The following RAD54L variants were observed in gnomAD, a reference collection of about 807,000 sequenced individuals.
RAD54L encodes RAD54 like.
RAD54L carries 74 observed loss-of-function variants against 91.6 expected under a neutral mutation model. The ratio of observed to expected loss-of-function variants is 0.81; its 90% confidence interval spans 0.67 to 0.98. The LOEUF is 0.98. RAD54L is among the 50% of genes least tolerant of loss of function. The probability of loss-of-function intolerance (pLI) is 0.00; values close to 1 mark genes in which losing one functional copy is unlikely to be tolerated. For synonymous variants in RAD54L, 304 were observed against 349.7 expected, an observed-to-expected ratio of 0.87 and a Z score of 1.46; for missense variants, 887 against 945.7, an observed-to-expected ratio of 0.94 and a Z score of 0.81.
chr1:46,259,177 T>TC (rs1196219282), intron 4 of RAD54L, among the ~76,000 whole-genome samples: 6 of 143,136 alleles, frequency 4.2e-5, no homozygotes, highest in African/African-American at 1.0e-4. Context: ...TCTCTCTCTC[T>TC]TTTTTTTTTT....
At position 46,274,171 on chromosome 1, in the gene RAD54L, C is replaced by T; in HGVS notation, c.1644C>T (p.Ser548=). The part of the protein sequence containing the change: ...YLYVRLDGTM[S]IKKRAKVVER... ...ACGTCCGCCTGGATGGCACGATGTCCATTAAGAAGCGAGCCAAGGTTGTAG... is the reference window on the plus strand; with the variant it reads ...ACGTCCGCCTGGATGGCACGATGTCTATTAAGAAGCGAGCCAAGGTTGTAG... The change falls in exon 15 of 18, where the codon TCC becomes TCT. Residue 548 remains serine, a synonymous_variant. Transcript: ENST00000371975. 6.2e-7 allele frequency: 1 copy of T among 1,613,946 alleles called. No individual in the cohort carries two copies. The highest frequency in any genetic ancestry group is 8.5e-7 in the Non-Finnish European group (1 of 1,179,870).
At chr1:46,260,514 C>G (rs374634207) in intron 5 of RAD54L, 28 bp from the exon 6 acceptor site, 1 of 1,607,054 alleles carries the variant, frequency 6.2e-7, no homozygotes, top group Non-Finnish European at 8.5e-7. Flanking sequence ...TGTCTGAGCA[C>G]GCTGTTTTCT....
At chr1:46,277,671 T>C in intron 16 of RAD54L, 146 bp from the exon 17 acceptor site, 1 of 912,216 alleles carries the variant, frequency 1.1e-6, no homozygotes, top group Non-Finnish European at 1.7e-6. Context: ...CTCAGCTGAG[T>C]AGAGATAATG....
intron 16 of RAD54L, among the ~76,000 whole-genome samples, chr1:46,276,683 C>T (rs369350636): frequency 6.6e-6 from 1 of 152,220 alleles, no homozygotes; most frequent in East Asian, 1.9e-4. Flanking sequence ...TTGTTTACTT[C>T]TGTCTTATCC....
In RAD54L at chr1:46,260,990, T is replaced by C; in HGVS notation, c.741T>C (p.Ser247=). Residue 247 remains serine (S), a synonymous_variant, in exon 7 of 18, where the codon TCT becomes TCC. Transcript: ENST00000371975. ...AACCTCTGGCCATCGATGGAGGATC[T>C]AAGGATGAAATAGACCAAAAGCTGG... The part of the protein sequence containing the change: ...RIQPLAIDGG[S]KDEIDQKLEG... The C allele has an allele frequency of 6.2e-7, 1 of 1,613,848 alleles. No individual in the cohort carries two copies. The highest frequency in any genetic ancestry group is 8.5e-7 in the Non-Finnish European group (1 of 1,179,990).
chr1:46,274,659 T>C lies in RAD54L; in HGVS notation c.1811T>C (p.Met604Thr), dbSNP rs145755477. ...DWNPANDEQA[M>T]ARVWRDGQKK... ...AACCCAGCCAATGATGAACAAGCCA[T>C]GGCCCGGGTCTGGCGAGATGGTCAA... is the stretch of plus-strand genomic sequence containing the variant. The change falls in exon 16 of 18, where the codon ATG becomes ACG. Residue 604 changes from methionine to threonine, a missense_variant. Met to Thr is a moderately conservative substitution (Grantham distance 81, BLOSUM62 -1). Coordinates refer to ENST00000371975, the MANE Select transcript of RAD54L (RefSeq NM_003579.4). The C allele has an allele frequency of 1.9e-6, 3 of 1,614,022 alleles. No homozygotes were observed. The highest frequency in any genetic ancestry group is 2.2e-5 in the East Asian group (1 of 44,902).
At chr1:46,272,857 G>C (rs1333847643) in intron 12 of RAD54L, 55 bp downstream of exon 12, 1 of 1,608,588 alleles carries the variant, frequency 6.2e-7, no homozygotes, top group Admixed American at 1.7e-5. Context: ...GGGAGGGTAG[G>C]TTCCTGTAGT....
At chr1:46,277,686 G>T in intron 16 of RAD54L, 131 bp from the exon 17 acceptor site, 1 of 1,041,648 alleles carries the variant, frequency 9.6e-7, no homozygotes, top group East Asian at 2.4e-5. Flanking sequence ...ATAATGTTCT[G>T]GGACTCATAC....
At chr1:46,266,906 G>A (rs1660281369) in intron 8 of RAD54L, among the ~76,000 whole-genome samples, 2 of 152,238 alleles carry the variant, frequency 1.3e-5, no homozygotes, top group Non-Finnish European at 2.9e-5. Flanking sequence ...TATGGGTATA[G>A]CACTGGTCTG....
At chr1:46,257,734 C>T (rs1285362265) in intron 3 of RAD54L, among the ~76,000 whole-genome samples, 2 of 152,198 alleles carry the variant, frequency 1.3e-5, no homozygotes, top group Non-Finnish European at 2.9e-5. Context: ...TTGTGCTTTA[C>T]ATGGCAGGAA....
At chr1:46,257,683 G>T (rs546442543) in intron 3 of RAD54L, among the ~76,000 whole-genome samples, 49 of 152,280 alleles carry the variant, frequency 3.2e-4, no homozygotes, top group Non-Finnish European at 5.1e-4. Flanking sequence ...TTAGTGTTGG[G>T]CTTAGCTTCT....
In RAD54L at chr1:46,260,586, A is replaced by T. The variant is rs1660082422; in HGVS notation, c.452A>T (p.Lys151Met). ...VHVVVDPILS[K>M]VLRPHQREGV... ...GTGGTTGTTGACCCTATTCTCAGTA[A>T]GGTTTTGCGGCCTCATCAGAGAGAG... Residue 151 changes from lysine (K) to methionine (M), a missense_variant, in exon 6 of 18, where the codon AAG (lysine) becomes ATG (methionine). Lys to Met is a moderately conservative substitution (Grantham distance 95). Coordinates refer to ENST00000371975, the MANE Select transcript of RAD54L (RefSeq NM_003579.4). 1 of 1,613,938 alleles carries T rather than the reference A, an allele frequency of 6.2e-7. No individual in the cohort carries two copies. Among genetic ancestry groups the T allele is most frequent in the African/African-American group, 1.3e-5 (1 of 74,868 alleles).
In RAD54L at chr1:46,277,818, C is replaced by T. The variant is rs765569038; in HGVS notation, c.1871C>T (p.Ala624Val). 5 of 1,605,134 alleles carry T rather than the reference C, an allele frequency of 3.1e-6. No individual in the cohort carries two copies. The highest frequency in any genetic ancestry group is 4.3e-6 in the Non-Finnish European group (5 of 1,172,102). The change falls in exon 17 of 18, where the codon GCA (alanine) becomes GTA (valine). Residue 624 changes from alanine to valine, a missense_variant and splice_region_variant. Transcript: ENST00000371975. ...KTCYIYRLLS[A>V]GTIEEKIFQR... ...CATTCCCCACCTCCTCTTCCCCAGG[C>T]AGGGACCATTGAGGAGAAGATCTTC...
Position 46,263,387 on chromosome 1 carries a change from A to AC in RAD54L, c.891+2006dup, listed in dbSNP as rs1299139147. 6.6e-6 allele frequency among the ~76,000 whole-genome samples: 1 copy of AC among 151,846 alleles called. No individual in the cohort carries two copies. Among genetic ancestry groups the AC allele is most frequent in the Non-Finnish European group, 1.5e-5 (1 of 67,962 alleles). On this transcript the variant is annotated intron_variant, in intron 8 of 17. Coordinates refer to ENST00000371975, the MANE Select transcript of RAD54L (RefSeq NM_003579.4). This position sits in a 1 kb window ranked among gnomAD's most constrained non-coding sequence, Gnocchi z 4.3. ...TTGGGAGAGTTAACCTCCTTTGTAT[A>AC]CCCCAGAGGTTCTAGTGGAGAGGTG...
intron 3 of RAD54L, among the ~76,000 whole-genome samples, chr1:46,257,398 T>C (rs1659974295): frequency 6.6e-6 from 1 of 152,174 alleles, no homozygotes; most frequent in African/African-American, 2.4e-5. Context: ...CTTCCACCTC[T>C]GGTTTTGTTG....
chr1:46,277,512 G>C, intron 16 of RAD54L: 1 of 461,282 alleles, frequency 2.2e-6, no homozygotes, highest in East Asian at 4.3e-5. Context: ...GTTGGGCTTG[G>C]TGCAGAAATC....
Position 46,260,099 on chromosome 1 carries a change from A to G in RAD54L, c.407A>G (p.Lys136Arg), listed in dbSNP as rs1350233200. The G allele has an allele frequency of 6.2e-7, 1 of 1,614,094 alleles. No individual in the cohort carries two copies. Among genetic ancestry groups the G allele is most frequent in the African/African-American group, 1.3e-5 (1 of 74,932 alleles). ...LSAHDQLKLD[K>R]EKLPVHVVVD... Reference sequence around the variant, plus strand: ...GCTCATGACCAGCTGAAGCTTGACAAGTATGTGCACTGGTATTTCATAAGC... The same window carrying G: ...GCTCATGACCAGCTGAAGCTTGACAGGTATGTGCACTGGTATTTCATAAGC... Residue 136 changes from lysine to arginine, a missense_variant and splice_region_variant, in exon 5 of 18, where the codon AAG becomes AGG. Transcript: ENST00000371975.
intron 10 of RAD54L, 120 bp downstream of exon 10, chr1:46,270,905 G>A: frequency 1.5e-6 from 2 of 1,358,406 alleles, no homozygotes; most frequent in Non-Finnish European, 1.0e-6. Flanking sequence ...AGTGGGTTCT[G>A]TGTCCTAACT....
chr1:46,253,974 T>C (rs983676410), intron 3 of RAD54L, among the ~76,000 whole-genome samples: 3 of 152,030 alleles, frequency 2.0e-5, no homozygotes, highest in Non-Finnish European at 4.4e-5. Flanking sequence ...CTTTTTTGTT[T>C]TTGTTTTTTC....
Sources: gnomAD v4.1 joint callset for allele counts (sites outside exome capture counted in the v4.1 genomes callset) on GRCh38, gnomAD v4.1.1 for gene constraint, Gnocchi (gnomAD v3.1) non-coding constraint, MANE v1.5 for transcripts, NCBI Gene and HGNC (gene_info 2026-07-23, HGNC 2026-07-21) for gene names.